Variants in PARD3B observed in about 807,000 individuals in gnomAD.
PARD3B encodes par-3 family cell polarity regulator beta.
In PARD3B, 103 loss-of-function variants were observed where a neutral mutation model predicts 130.2. The ratio of observed to expected loss-of-function variants is 0.79; its 90% confidence interval spans 0.67 to 0.93. The LOEUF is 0.93. Ranked by LOEUF, PARD3B falls within the 40% of genes least tolerant of loss-of-function variation. The pLI is 0.00. For synonymous variants in PARD3B, 583 were observed against 553.2 expected (o/e 1.05, Z -0.76); for missense variants, 1,609 against 1,499.2 (o/e 1.07, Z -1.21).
Position 205,041,098 on chromosome 2 carries a change from C to T in PARD3B, c.395-6483C>T, listed in dbSNP as rs563380538. Among the ~76,000 whole-genome samples the T allele has an allele frequency of 1.5e-3, 228 of 152,194 alleles. 2 individuals are homozygous for T. The highest frequency in any genetic ancestry group is 5.1e-3 in the African/African-American group (212 of 41,526). On this transcript the variant is annotated intron_variant, in intron 3 of 22. Coordinates refer to ENST00000406610, the MANE Select transcript of PARD3B (RefSeq NM_001302769.2). ...CCTGGCTTTTGCGTTATTTTGCATG[C>T]GATGCCATTAATAGTTCTTTACTGA...
At chr2:204,842,613 T>C (rs985649879) in intron 2 of PARD3B, among the ~76,000 whole-genome samples, 1 of 152,214 alleles carries the variant, frequency 6.6e-6, no homozygotes, top group Non-Finnish European at 1.5e-5. Context: ...TAAATTTATC[T>C]TTGAAAACTC....
intron 18 of PARD3B, among the ~76,000 whole-genome samples, chr2:205,378,870 T>A (rs1013113910): frequency 6.6e-6 from 1 of 152,012 alleles, no homozygotes; most frequent in African/African-American, 2.4e-5. Context: ...GACCTTGTGA[T>A]CTGCCCGCCT....
At chr2:205,029,760 G>A (rs1268687390) in intron 3 of PARD3B, among the ~76,000 whole-genome samples, 2 of 152,092 alleles carry the variant, frequency 1.3e-5, no homozygotes, top group African/African-American at 4.8e-5. Flanking sequence ...GCAATCTTCA[G>A]TAAGTGCCTG....
At chr2:205,317,077 T>C in intron 18 of PARD3B, among the ~76,000 whole-genome samples, 1 of 152,086 alleles carries the variant, frequency 6.6e-6, no homozygotes, top group East Asian at 1.9e-4. Flanking sequence ...AGTTGTAATA[T>C]TAAAATGCCA....
At chr2:204,936,648 G>A (rs1394640379) in intron 2 of PARD3B, among the ~76,000 whole-genome samples, 1 of 152,164 alleles carries the variant, frequency 6.6e-6, no homozygotes, top group African/African-American at 2.4e-5. Flanking sequence ...GTAGAACCAG[G>A]ATTTGAACTG....
chr2:204,570,643 CAG>C (rs2031940263), intron 1 of PARD3B, among the ~76,000 whole-genome samples: 2 of 152,260 alleles, frequency 1.3e-5, no homozygotes, highest in South Asian at 4.1e-4. Context: ...TGACCAGGGG[CAG>C]AGTTTACAGG....
At chr2:205,035,167 A>G (rs769638163) in intron 3 of PARD3B, among the ~76,000 whole-genome samples, 30 of 152,090 alleles carry the variant, frequency 2.0e-4, no homozygotes, top group Non-Finnish European at 3.7e-4. Context: ...CTGGCCAGCC[A>G]TGTGTTCTTT....
At chr2:205,503,583 G>A (rs925450066) in intron 21 of PARD3B, among the ~76,000 whole-genome samples, 8 of 152,088 alleles carry the variant, frequency 5.3e-5, no homozygotes, top group African/African-American at 1.7e-4. Context: ...TAGCCTTGTA[G>A]TATAGTTTGA....
At chr2:204,850,861 A>G (rs1003095485) in intron 2 of PARD3B, among the ~76,000 whole-genome samples, 7 of 152,132 alleles carry the variant, frequency 4.6e-5, no homozygotes, top group Non-Finnish European at 2.9e-5. Flanking sequence ...CTGTTTTTGT[A>G]TTGGTAGCTT....
In PARD3B at chr2:205,104,422, A is replaced by G. The variant is rs371493863; in HGVS notation, c.505-4A>G. On this transcript the variant is annotated splice_polypyrimidine_tract_variant and splice_region_variant and intron_variant, in intron 4 of 22. Coordinates refer to ENST00000406610, the MANE Select transcript of PARD3B (RefSeq NM_001302769.2). Reference sequence around the variant, plus strand: ...CACATGCTTATGACTTTGTTTCACTATAGGATTCCACGCAGAACTTGGAAG... The same window carrying G: ...CACATGCTTATGACTTTGTTTCACTGTAGGATTCCACGCAGAACTTGGAAG... 3.9e-5 allele frequency: 62 copies of G among 1,578,930 alleles called. No individual in the cohort carries two copies. Among genetic ancestry groups the G allele is most frequent in the African/African-American group, 5.4e-5 (4 of 74,180 alleles).
At chr2:204,724,956 G>A (rs975831644) in intron 2 of PARD3B, among the ~76,000 whole-genome samples, 2 of 152,108 alleles carry the variant, frequency 1.3e-5, no homozygotes, top group African/African-American at 2.4e-5. Flanking sequence ...TGACTGGGCC[G>A]CTAGGCAGGG....
intron 12 of PARD3B, 61 bp downstream of exon 12, chr2:205,172,442 T>G (rs1449487555): frequency 6.6e-7 from 1 of 1,507,818 alleles, no homozygotes; most frequent in African/African-American, 1.4e-5. Context: ...ATATGCAGAC[T>G]TCCATTCCTA....
chr2:205,538,894 A>G (rs1378718877), intron 21 of PARD3B, among the ~76,000 whole-genome samples: 2 of 152,228 alleles, frequency 1.3e-5, no homozygotes, highest in African/African-American at 2.4e-5. Flanking sequence ...GAGATGTACT[A>G]TGTGATTTAT....
intron 21 of PARD3B, among the ~76,000 whole-genome samples, chr2:205,516,240 C>T (rs776590810): frequency 3.9e-5 from 6 of 152,196 alleles, no homozygotes; most frequent in Non-Finnish European, 8.8e-5. Flanking sequence ...ATACCTCCTG[C>T]TTTGTTATTT....
intron 2 of PARD3B, among the ~76,000 whole-genome samples, chr2:204,905,103 T>G (rs1199541309): frequency 1.3e-5 from 2 of 152,224 alleles, no homozygotes; most frequent in Non-Finnish European, 2.9e-5. Context: ...AAACTCTAAA[T>G]TGCTGGATTG....
chr2:204,760,332 T>C (rs2040846092), intron 2 of PARD3B, among the ~76,000 whole-genome samples: 1 of 152,096 alleles, frequency 6.6e-6, no homozygotes. Flanking sequence ...TTGTATTGAT[T>C]TTTGTGGGGA....
intron 2 of PARD3B, among the ~76,000 whole-genome samples, chr2:204,714,809 A>G (rs989356301): frequency 1.3e-5 from 2 of 152,180 alleles, no homozygotes; most frequent in African/African-American, 4.8e-5. Context: ...AGTATCTACT[A>G]CCTAATCACT....
intron 1 of PARD3B, among the ~76,000 whole-genome samples, chr2:204,614,239 C>T (rs756545822): frequency 9.9e-5 from 15 of 152,068 alleles, no homozygotes; most frequent in African/African-American, 2.2e-4. Context: ...AGTTTAAAAA[C>T]GTAAAGCTGA....
At chr2:205,001,989 TA>T (rs773998006) in intron 3 of PARD3B, among the ~76,000 whole-genome samples, 8 of 152,344 alleles carry the variant, frequency 5.3e-5, no homozygotes, top group Non-Finnish European at 7.3e-5. Flanking sequence ...GGATTAAATT[TA>T]GGAAGAAATC....
Sources: allele counts gnomAD v4.1 joint callset (sites outside exome capture counted in the v4.1 genomes callset), GRCh38; gene constraint gnomAD v4.1.1; transcripts MANE v1.5; gene names NCBI Gene and HGNC (gene_info 2026-07-23, HGNC 2026-07-21).